CNTNAP5: variants seen among roughly 807,000 people sequenced by gnomAD.
CNTNAP5 encodes contactin associated protein family member 5.
A neutral mutation model predicts 150.2 loss-of-function variants in CNTNAP5; 72 were observed. The ratio of observed to expected loss-of-function variants is 0.48; its 90% CI spans 0.40 to 0.58. The LOEUF (loss-of-function observed/expected upper bound fraction) is 0.58. CNTNAP5 is among the 20% of genes least tolerant of loss of function. The probability of loss-of-function intolerance (pLI) is 0.00; values close to 1 mark genes in which losing one functional copy is unlikely to be tolerated. For missense variants in CNTNAP5, 1,636 were observed against 1,626.2 expected (o/e 1.01, Z -0.10); for synonymous variants, 672 against 619.8 (o/e 1.08, Z -1.25).
intron 1 of CNTNAP5, among the ~76,000 whole-genome samples, chr2:124,137,147 G>T (rs542036893): frequency 2.6e-4 from 40 of 152,018 alleles, no homozygotes; most frequent in Middle Eastern, 3.4e-3. Flanking sequence ...TCACCACCTC[G>T]TACTGCCTAG....
chr2:124,479,305 C>T lies in CNTNAP5; in HGVS notation c.1062+4423C>T, dbSNP rs1041126427. ...ATGATTAATTTCATACCTTGCACTC[C>T]ATCAGAAATGATGCTTTTTTTGAGC... On this transcript the variant is annotated intron_variant, in intron 7 of 23. Transcript: ENST00000682447. Among the ~76,000 whole-genome samples, 48 of 152,114 alleles carry T rather than the reference C, an allele frequency of 3.2e-4. 1 individual carries two copies. The highest frequency in any genetic ancestry group is 3.1e-3 in the Admixed American group (47 of 15,254).
intron 18 of CNTNAP5, 95 bp from the exon 19 acceptor site, chr2:124,798,001 T>C (rs1338541606): frequency 1.3e-6 from 1 of 798,352 alleles, no homozygotes; most frequent in Non-Finnish European, 2.1e-6. Flanking sequence ...CCTCACACAG[T>C]GCCCAGTGCA....
intron 23 of CNTNAP5, 102 bp from the exon 24 acceptor site, chr2:124,913,990 G>T (rs1678708943): frequency 4.0e-6 from 3 of 751,112 alleles, no homozygotes; most frequent in African/African-American, 3.6e-5. Context: ...GTTTTGTTTT[G>T]CTTTCTCTCC....
At chr2:124,809,533 C>T (rs903788627) in intron 19 of CNTNAP5, among the ~76,000 whole-genome samples, 12 of 151,642 alleles carry the variant, frequency 7.9e-5, no homozygotes, top group African/African-American at 2.7e-4. Context: ...CAGCCTCCTG[C>T]GTGTCTGGGA....
chr2:124,227,017 C>T (rs754411580), intron 2 of CNTNAP5, among the ~76,000 whole-genome samples: 19 of 152,210 alleles, frequency 1.2e-4, no homozygotes, highest in Middle Eastern at 3.4e-3. Flanking sequence ...TCATCTGTTA[C>T]GGGCTGCACC....
chr2:124,709,793 T>G (rs929626334), intron 13 of CNTNAP5, among the ~76,000 whole-genome samples: 5 of 152,164 alleles, frequency 3.3e-5, no homozygotes, highest in Admixed American at 6.6e-5. Context: ...GAAAATTAAA[T>G]TAAATATTGA....
chr2:124,292,688 AAC>A (rs753979608), intron 3 of CNTNAP5, among the ~76,000 whole-genome samples: 57 of 152,186 alleles, frequency 3.7e-4, no homozygotes, highest in Middle Eastern at 3.4e-3. Flanking sequence ...AGGAGGAGAA[AAC>A]ACTTCGCATA....
intron 11 of CNTNAP5, among the ~76,000 whole-genome samples, chr2:124,576,318 T>C (rs1217710367): frequency 6.6e-6 from 1 of 152,176 alleles, no homozygotes; most frequent in Non-Finnish European, 1.5e-5. Context: ...AATGTGATGA[T>C]GAAGACCCTG....
At chr2:124,540,143 C>G (rs1695344253) in intron 10 of CNTNAP5, among the ~76,000 whole-genome samples, 2 of 152,162 alleles carry the variant, frequency 1.3e-5, no homozygotes, top group Admixed American at 6.6e-5. Flanking sequence ...ACACCGTTAA[C>G]TTTATTATGA....
At chr2:124,634,841 C>G (rs1677939154) in intron 12 of CNTNAP5, among the ~76,000 whole-genome samples, 1 of 152,112 alleles carries the variant, frequency 6.6e-6, no homozygotes, top group African/African-American at 2.4e-5. Context: ...TCTCATCAGC[C>G]TGGATATTAT....
At chr2:124,687,660 C>G (rs148847490) in intron 13 of CNTNAP5, among the ~76,000 whole-genome samples, 1 of 151,936 alleles carries the variant, frequency 6.6e-6, no homozygotes. Context: ...GAAACTTGTA[C>G]GTGGCAAGTA....
In CNTNAP5 at chr2:124,647,671, C is replaced by T. The variant is rs181222552; in HGVS notation, c.1877-87C>T. ...TACCGGAGTGTTGATTAATGTTGCA[C>T]GCTGAGTGGCCCATCACACTGCTCA... On this transcript the variant is annotated intron_variant, in intron 12 of 23. Transcript: ENST00000682447. 1.9e-4 allele frequency: 237 copies of T among 1,230,720 alleles called. No individual in the cohort carries two copies. In the African/African-American group the frequency reaches 2.4e-3, roughly 13 times the overall value. The allele number at this position is 1,230,720 out of a possible 1,614,324, so 76.2% of individuals were successfully genotyped here.
intron 13 of CNTNAP5, among the ~76,000 whole-genome samples, chr2:124,650,201 G>A (rs1172397891): frequency 6.6e-6 from 1 of 152,160 alleles, no homozygotes; most frequent in African/African-American, 2.4e-5. Context: ...GGGTATGTAG[G>A]CTCAGTGTCT....
In CNTNAP5 at chr2:124,630,366, T is replaced by G. The variant is rs1263630271; in HGVS notation, c.1877-17392T>G. ...CAAACCCAGCAGCACATCAAATAGC[T>G]TATCCACCACGATCAAGTTGGTTTC... On this transcript the variant is annotated intron_variant, in intron 12 of 23. Transcript: ENST00000682447. Among the ~76,000 whole-genome samples, 3 of 152,134 alleles carry G rather than the reference T, an allele frequency of 2.0e-5. No individual in the cohort carries two copies. The East Asian group carries it at 5.8e-4, about 29-fold the overall frequency.
intron 12 of CNTNAP5, among the ~76,000 whole-genome samples, chr2:124,645,937 A>G (rs1208040320): frequency 6.6e-6 from 1 of 152,060 alleles, no homozygotes; most frequent in Non-Finnish European, 1.5e-5. Flanking sequence ...GGTGCCATGC[A>G]CTTTAAACAA....
intron 19 of CNTNAP5, among the ~76,000 whole-genome samples, chr2:124,830,888 T>G (rs1682700173): frequency 6.6e-6 from 1 of 152,000 alleles, no homozygotes; most frequent in Non-Finnish European, 1.5e-5. Flanking sequence ...TTATGTATAA[T>G]TCACAAATCA....
chr2:124,351,784 A>T (rs1026829712), intron 3 of CNTNAP5, among the ~76,000 whole-genome samples: 1 of 152,238 alleles, frequency 6.6e-6, no homozygotes, highest in Non-Finnish European at 1.5e-5. Context: ...AAAGGAGATC[A>T]GCCGCCACTC....
At chr2:124,746,767 A>G (rs897564818) in intron 13 of CNTNAP5, among the ~76,000 whole-genome samples, 17 of 152,120 alleles carry the variant, frequency 1.1e-4, no homozygotes, top group African/African-American at 3.6e-4. Flanking sequence ...AAAGAAAGTT[A>G]TTATTTTTTG....
intron 7 of CNTNAP5, among the ~76,000 whole-genome samples, chr2:124,475,919 T>C (rs1693628802): frequency 6.6e-6 from 1 of 152,116 alleles, no homozygotes; most frequent in Admixed American, 6.6e-5. Flanking sequence ...AGTGCCTGTT[T>C]ATTTTGTTTC....
Sources: gnomAD v4.1 joint callset for allele counts (sites outside exome capture counted in the v4.1 genomes callset) on GRCh38, gnomAD v4.1.1 for gene constraint, MANE v1.5 for transcripts, NCBI Gene and HGNC (gene_info 2026-07-23, HGNC 2026-07-21) for gene names.